CCDC169: variants seen among roughly 807,000 people sequenced by gnomAD.
The protein encoded by CCDC169 is coiled-coil domain containing 169.
A neutral mutation model predicts 36.0 loss-of-function variants in CCDC169; 30 were observed. The observed-to-expected ratio is 0.83, with a 90% CI of 0.62 to 1.13. The LOEUF is 1.13. CCDC169 is among the 50% of genes most tolerant of loss of function. CCDC169 has a pLI of 0.00. For missense variants in CCDC169, 245 were observed against 245.9 expected (o/e 1.00, Z 0.03); for synonymous variants, 85 against 81.5 (o/e 1.04, Z -0.23).
At chr13:36,236,980 TTAACA>T (rs146192628) in intron 7 of CCDC169, among the ~76,000 whole-genome samples, 61,385 of 151,714 alleles carry the variant, frequency 0.4, 13,170 homozygotes, top group Non-Finnish European at 0.48. Flanking sequence ...TCTAGATTAC[TTAACA>T]TTAGATTACA....
chr13:36,278,779 G>T (rs1925844), intron 4 of CCDC169, among the ~76,000 whole-genome samples: 152,257 of 152,298 alleles, frequency 1, 76,108 homozygotes, highest in Non-Finnish European at 1. Flanking sequence ...TTTCATGACT[G>T]CATGTGACAC....
intron 4 of CCDC169, among the ~76,000 whole-genome samples, chr13:36,263,533 T>C (rs1874862763): frequency 6.6e-6 from 1 of 152,192 alleles, no homozygotes; most frequent in South Asian, 2.1e-4. Context: ...TTATTAGAAT[T>C]TTAAAAATTA....
chr13:36,283,646 T>C lies in CCDC169; in HGVS notation c.220A>G (p.Lys74Glu). The change falls in exon 3 of 8, where the codon AAG becomes GAG. Residue 74 changes from lysine (K) to glutamate (E), a missense_variant. Physicochemically the swap from Lys to Glu is moderately conservative, Grantham distance 56 (BLOSUM62 1). Coordinates refer to ENST00000239859, the MANE Select transcript of CCDC169 (RefSeq NM_001144981.3). Reference sequence around the variant, plus strand: ...TTCTCCTTGAGATAAACAATTTGCTTTTCTAGTTCATCATTTAATTCAAGT... The same window carrying C: ...TTCTCCTTGAGATAAACAATTTGCTCTTCTAGTTCATCATTTAATTCAAGT... ...TQLELNDELE[K>E]QIVYLKEKVE... The C allele has an allele frequency of 1.9e-6, 3 of 1,551,378 alleles. No individual in the cohort carries two copies. The highest frequency in any genetic ancestry group is 2.6e-6 in the Non-Finnish European group (3 of 1,146,824).
rs1566056399 is a variant in CCDC169, at chr13:36,231,150, T to C, written c.*43A>G. On this transcript the variant is annotated 3_prime_UTR_variant, in exon 8 of 8. Transcript: ENST00000239859. ...AACTTTATAACTTGAATATTATAAA[T>C]GGAAAAAAAAAGGAAGAAATAGAAA... The C allele has an allele frequency of 3.3e-6, 5 of 1,507,156 alleles. No homozygotes were observed. The highest frequency in any genetic ancestry group is 4.5e-5 in the Admixed American group (2 of 44,516). The allele number at this position is 1,507,156 out of a possible 1,614,324, so 93.4% of individuals were successfully genotyped here. A position where few individuals can be genotyped will look rare whatever the true frequency, so the allele number is the denominator to read the frequency against.
chr13:36,294,841 G>C (rs1566094718), intron 2 of CCDC169, among the ~76,000 whole-genome samples: 1 of 152,052 alleles, frequency 6.6e-6, no homozygotes. Context: ...TTTTCACAGT[G>C]CTTTTCCATA....
At chr13:36,255,213 C>A (rs1277145072) in intron 4 of CCDC169, among the ~76,000 whole-genome samples, 1 of 152,144 alleles carries the variant, frequency 6.6e-6, no homozygotes, top group South Asian at 2.1e-4. Flanking sequence ...TTTCATGCAC[C>A]TTGTGAAGTC....
chr13:36,268,877 G>A (rs1488406616), intron 4 of CCDC169, among the ~76,000 whole-genome samples: 1 of 152,120 alleles, frequency 6.6e-6, no homozygotes, highest in Non-Finnish European at 1.5e-5. Context: ...GGCTGAAGTG[G>A]GCAGATCATT....
intron 2 of CCDC169, among the ~76,000 whole-genome samples, chr13:36,293,874 G>A (rs1181043999): frequency 6.6e-6 from 1 of 152,090 alleles, no homozygotes; most frequent in African/African-American, 2.4e-5. Flanking sequence ...CTAAATTATA[G>A]GGTGATTTGC....
chr13:36,289,249 C>T (rs928687449), intron 2 of CCDC169, among the ~76,000 whole-genome samples: 66 of 152,310 alleles, frequency 4.3e-4, no homozygotes, highest in African/African-American at 1.3e-3. Flanking sequence ...TTTTCTCCCC[C>T]TGAGAAGGTC....
At chr13:36,243,177 C>G (rs535838415) in intron 7 of CCDC169, among the ~76,000 whole-genome samples, 3 of 152,176 alleles carry the variant, frequency 2.0e-5, no homozygotes, top group African/African-American at 7.2e-5. Context: ...AGCCTTCCCC[C>G]ACAGGTGTTG....
rs1870375383 is a variant in CCDC169 at position 36,231,115 on chromosome 13, G to A, written c.*78C>T. 13 of 1,491,626 alleles carry A rather than the reference G, an allele frequency of 8.7e-6. No individual in the cohort carries two copies. The South Asian group carries it at 1.7e-4, about 19-fold the overall frequency. The allele number at this position is 1,491,626 out of a possible 1,614,324, so 92.4% of individuals were successfully genotyped here. On this transcript the variant is annotated 3_prime_UTR_variant, in exon 8 of 8. Transcript: ENST00000239859. Reference sequence around the variant, plus strand: ...TCTATTTTATTCCCTGAAGAAATGTGCTGACCATTAACTTTATAACTTGAA... The same window carrying A: ...TCTATTTTATTCCCTGAAGAAATGTACTGACCATTAACTTTATAACTTGAA...
intron 1 of CCDC169, among the ~76,000 whole-genome samples, chr13:36,296,258 A>T (rs550398962): frequency 2.0e-5 from 3 of 152,096 alleles, no homozygotes; most frequent in East Asian, 1.9e-4. Context: ...AGCCCTGCTA[A>T]TTTTTTTGTA....
chr13:36,284,116 T>C (rs947968874), intron 2 of CCDC169, among the ~76,000 whole-genome samples: 1 of 151,636 alleles, frequency 6.6e-6, no homozygotes, highest in Non-Finnish European at 1.5e-5. Context: ...TCCATAAATA[T>C]ATATATTTCA....
At position 36,283,717 on chromosome 13, in the gene CCDC169, G is replaced by A; in HGVS notation, c.164-15C>T. The A allele has an allele frequency of 6.5e-7, 1 of 1,531,980 alleles. No homozygotes were observed. The highest frequency in any genetic ancestry group is 8.8e-7 in the Non-Finnish European group (1 of 1,131,312). The allele number at this position is 1,531,980 out of a possible 1,614,324, so 94.9% of individuals were successfully genotyped here. ...CCATTCACTACCTGAGTAAAAACAG[G>A]GAGAAACAATCAAGATCACCCCACC... On this transcript the variant is annotated splice_polypyrimidine_tract_variant and intron_variant, in intron 2 of 7. Coordinates refer to ENST00000239859, the MANE Select transcript of CCDC169 (RefSeq NM_001144981.3).
At chr13:36,256,131 G>C (rs1379881365) in intron 4 of CCDC169, among the ~76,000 whole-genome samples, 1 of 152,164 alleles carries the variant, frequency 6.6e-6, no homozygotes, top group Non-Finnish European at 1.5e-5. Flanking sequence ...CTGTCATTCA[G>C]ATCATCTGCA....
chr13:36,261,084 C>T lies in CCDC169; in HGVS notation c.316-6941G>A, dbSNP rs1462060635. Among the ~76,000 whole-genome samples the T allele has an allele frequency of 2.0e-5, 3 of 152,224 alleles. No individual in the cohort carries two copies. The East Asian group carries it at 5.8e-4, about 29-fold the overall frequency. ...CAAAGGGTGAAATCCCTGTATTGCGCAGTAATTTTCACCAGAGAGCACCCA... is the reference window on the plus strand; with the variant it reads ...CAAAGGGTGAAATCCCTGTATTGCGTAGTAATTTTCACCAGAGAGCACCCA... On this transcript the variant is annotated intron_variant, in intron 4 of 7. Coordinates refer to ENST00000239859, the MANE Select transcript of CCDC169 (RefSeq NM_001144981.3).
intron 4 of CCDC169, among the ~76,000 whole-genome samples, chr13:36,272,689 G>A (rs1385259058): frequency 6.6e-6 from 1 of 152,142 alleles, no homozygotes; most frequent in East Asian, 1.9e-4. Flanking sequence ...TAGGGCAGGA[G>A]AAGAGAGCTG....
chr13:36,277,960 A>AAG (rs1244859876), intron 4 of CCDC169, among the ~76,000 whole-genome samples: 1 of 148,142 alleles, frequency 6.8e-6, no homozygotes, highest in Admixed American at 6.8e-5. Flanking sequence ...AAAAAAAAAA[A>AAG]AGATGTTAAA....
At chr13:36,292,558 T>C (rs1879029948) in intron 2 of CCDC169, among the ~76,000 whole-genome samples, 1 of 152,166 alleles carries the variant, frequency 6.6e-6, no homozygotes, top group African/African-American at 2.4e-5. Context: ...TTTGAGAATA[T>C]AAAGCTCTTT....
Sources: gnomAD v4.1 joint callset for allele counts (sites outside exome capture counted in the v4.1 genomes callset) on GRCh38, gnomAD v4.1.1 for gene constraint, MANE v1.5 for transcripts, NCBI Gene and HGNC (gene_info 2026-07-23, HGNC 2026-07-21) for gene names.